The following TMEM132D variants were observed in gnomAD, a reference collection of about 807,000 sequenced individuals.
The protein encoded by TMEM132D is mature OL transmembrane protein.
TMEM132D carries 21 observed loss-of-function variants against 62.3 expected under a neutral mutation model. The observed-to-expected ratio is 0.34, with a 90% CI of 0.24 to 0.49. The LOEUF (loss-of-function observed/expected upper bound fraction) is 0.49, where lower values mean the gene tolerates loss of function less well. TMEM132D is among the 20% of genes least tolerant of loss of function. The pLI is 0.99. For synonymous variants in TMEM132D, 621 were observed against 575.6 expected, an observed-to-expected ratio of 1.08 and a Z score of -1.13; for missense variants, 1,346 against 1,402.8, an observed-to-expected ratio of 0.96 and a Z score of 0.65.
intron 1 of TMEM132D, among the ~76,000 whole-genome samples, chr12:129,783,519 C>A (rs780512850): frequency 2.0e-5 from 3 of 152,118 alleles, no homozygotes; most frequent in African/African-American, 7.2e-5. Flanking sequence ...TGTGAACAAA[C>A]GAGAATTATA....
At chr12:129,760,323 C>CTTTTTTTTTTTTTTTTTT (rs71082753) in intron 1 of TMEM132D, among the ~76,000 whole-genome samples, 9 of 115,498 alleles carry the variant, frequency 7.8e-5, no homozygotes, top group African/African-American at 3.3e-4. Flanking sequence ...AAGCCACTTT[C>CTTTTTTTTTTTTTTTTTT]TTTTTTTTTT....
At chr12:129,206,672 A>G (rs1878856461) in intron 5 of TMEM132D, among the ~76,000 whole-genome samples, 1 of 152,238 alleles carries the variant, frequency 6.6e-6, no homozygotes, top group African/African-American at 2.4e-5. Context: ...TTGCTACACT[A>G]TTCACAATAG....
intron 1 of TMEM132D, among the ~76,000 whole-genome samples, chr12:129,823,590 G>A (rs1250456708): frequency 6.6e-6 from 1 of 152,220 alleles, no homozygotes. Flanking sequence ...CAGCCATGAT[G>A]CTCCTTCTGT....
At chr12:129,078,811 G>A in intron 7 of TMEM132D, 86 bp from the exon 8 acceptor site, 1 of 1,413,888 alleles carries the variant, frequency 7.1e-7, no homozygotes, top group African/African-American at 1.4e-5. Flanking sequence ...CCAGTGTGCA[G>A]GCAGCGGCAG....
At chr12:129,526,748 C>T (rs1876054986) in intron 3 of TMEM132D, among the ~76,000 whole-genome samples, 2 of 152,172 alleles carry the variant, frequency 1.3e-5, no homozygotes, top group East Asian at 1.9e-4. Flanking sequence ...AGGAAGGTTG[C>T]CTAAAAAGAG....
chr12:129,193,120 T>G (rs1371542883), intron 5 of TMEM132D, among the ~76,000 whole-genome samples: 1 of 143,424 alleles, frequency 7.0e-6, no homozygotes, highest in Non-Finnish European at 1.5e-5. Context: ...ATCGTGCCAC[T>G]GCACTCCAGC....
At chr12:129,136,890 C>T (rs1438976775) in intron 5 of TMEM132D, among the ~76,000 whole-genome samples, 5 of 148,972 alleles carry the variant, frequency 3.4e-5, no homozygotes, top group Non-Finnish European at 6.0e-5. Flanking sequence ...ATCATCATCA[C>T]CACCATCATC....
intron 3 of TMEM132D, among the ~76,000 whole-genome samples, chr12:129,488,901 C>A (rs1168934308): frequency 6.6e-6 from 1 of 152,098 alleles, no homozygotes; most frequent in East Asian, 1.9e-4. Flanking sequence ...CCCTGGCCAG[C>A]CTGCCTGGGT....
At chr12:129,627,665 TAAGAA>T (rs995522149) in intron 2 of TMEM132D, among the ~76,000 whole-genome samples, 2 of 151,766 alleles carry the variant, frequency 1.3e-5, no homozygotes, top group African/African-American at 2.4e-5. Flanking sequence ...CCCACAAAAA[TAAGAA>T]AATAAGAAAA....
chr12:129,875,666 C>T (rs1277148329), intron 1 of TMEM132D, among the ~76,000 whole-genome samples: 5 of 152,048 alleles, frequency 3.3e-5, no homozygotes, highest in East Asian at 1.9e-4. Context: ...AGTCACAGAA[C>T]AAGGGAGGCT....
intron 3 of TMEM132D, among the ~76,000 whole-genome samples, chr12:129,431,212 T>C (rs1316263572): frequency 1.3e-5 from 2 of 152,210 alleles, no homozygotes; most frequent in East Asian, 1.9e-4. Flanking sequence ...TGTTTACCGA[T>C]AAGGACGCGG....
In TMEM132D at chr12:129,653,682, C is replaced by T. The variant is rs186945060; in HGVS notation, c.968+46128G>A. Among the ~76,000 whole-genome samples, 364 of 152,238 alleles carry T rather than the reference C, an allele frequency of 2.4e-3. 4 individuals carry two copies. Among genetic ancestry groups the T allele is most frequent in the Non-Finnish European group, 1.7e-3 (118 of 68,018 alleles). On this transcript the variant is annotated intron_variant, in intron 2 of 8. Coordinates refer to ENST00000422113, the MANE Select transcript of TMEM132D (RefSeq NM_133448.3). ...TGTCATTATCACTCCCTACAGAGCT[C>T]CTTTTAAAAATAAACCTTTTTTATT...
chr12:129,497,137 G>C (rs1256386810), intron 3 of TMEM132D, among the ~76,000 whole-genome samples: 1 of 152,026 alleles, frequency 6.6e-6, no homozygotes, highest in Non-Finnish European at 1.5e-5. Flanking sequence ...GTGAAACCCC[G>C]TCTCTGCTAA....
intron 4 of TMEM132D, among the ~76,000 whole-genome samples, chr12:129,231,931 C>T (rs1879651012): frequency 6.6e-6 from 1 of 152,180 alleles, no homozygotes; most frequent in African/African-American, 2.4e-5. Context: ...ATTTCAATGC[C>T]TTGGGCCTGC....
intron 2 of TMEM132D, among the ~76,000 whole-genome samples, chr12:129,625,879 GGCT>G (rs1204874479): frequency 6.6e-6 from 1 of 152,106 alleles, no homozygotes; most frequent in Non-Finnish European, 1.5e-5. Flanking sequence ...TACTGTTGAT[GGCT>G]GCTGTCAAAA....
At chr12:129,308,430 G>A (rs941373670) in intron 4 of TMEM132D, among the ~76,000 whole-genome samples, 10 of 152,118 alleles carry the variant, frequency 6.6e-5, no homozygotes, top group African/African-American at 1.7e-4. Flanking sequence ...TTTATGGTAC[G>A]TCGTGTACAT....
At chr12:129,851,337 C>T (rs1299042640) in intron 1 of TMEM132D, among the ~76,000 whole-genome samples, 2 of 152,198 alleles carry the variant, frequency 1.3e-5, no homozygotes, top group African/African-American at 4.8e-5. Context: ...ATTATAGAGA[C>T]TCTTTTAAAC....
chr12:129,673,398 T>A (rs1251143576), intron 2 of TMEM132D, among the ~76,000 whole-genome samples: 1 of 152,240 alleles, frequency 6.6e-6, no homozygotes, highest in Non-Finnish European at 1.5e-5. Flanking sequence ...AGATCCGTTT[T>A]TCCATTCTAC....
chr12:129,576,473 C>T (rs1877662651), intron 2 of TMEM132D, among the ~76,000 whole-genome samples: 2 of 151,576 alleles, frequency 1.3e-5, no homozygotes, highest in South Asian at 4.2e-4. Flanking sequence ...AACATATATG[C>T]ATACATATGT....
Sources: gnomAD v4.1 joint callset for allele counts (sites outside exome capture counted in the v4.1 genomes callset) on GRCh38, gnomAD v4.1.1 for gene constraint, MANE v1.5 for transcripts, NCBI Gene and HGNC (gene_info 2026-07-23, HGNC 2026-07-21) for gene names.